Variants in DPYSL5 observed in about 807,000 individuals in gnomAD.
DPYSL5 encodes dihydropyrimidinase like 5.
A neutral mutation model predicts 58.4 loss-of-function variants in DPYSL5; 9 were observed. The ratio of observed to expected loss-of-function variants is 0.15; its 90% CI spans 0.09 to 0.27. The LOEUF is 0.27. Ranked by LOEUF, DPYSL5 falls within the 10% of genes least tolerant of loss-of-function variation. The pLI is 1.00. For synonymous variants in DPYSL5, 293 were observed against 301.9 expected (o/e 0.97, Z 0.31); for missense variants, 499 against 770.6 (o/e 0.65, Z 4.17).
Position 26,904,538 on chromosome 2 carries a change from C to A in DPYSL5, c.261+5778C>A, listed in dbSNP as rs956594725. 8.4e-4 allele frequency among the ~76,000 whole-genome samples: 128 copies of A among 152,234 alleles called. 1 individual carries two copies. The highest frequency in any genetic ancestry group is 3.0e-3 in the African/African-American group (123 of 41,518). On this transcript the variant is annotated intron_variant, in intron 2 of 12. Coordinates refer to ENST00000288699, the MANE Select transcript of DPYSL5 (RefSeq NM_020134.4). ...TCTCAAGTTTTCTTATCTCTCCATC[C>A]CTGCGAGAAGTTGGGTGACACCTTA...
rs1284360541 is a variant in DPYSL5, at chr2:26,915,281, A to G, written c.262-9606A>G. ...TCCACCCAAGCCAGGCCTACTTACT[A>G]AAGACCAGGGGACTCCTCAGGGACA... On this transcript the variant is annotated intron_variant, in intron 2 of 12. Coordinates refer to ENST00000288699, the MANE Select transcript of DPYSL5 (RefSeq NM_020134.4). Among the ~76,000 whole-genome samples, 3 of 152,268 alleles carry G rather than the reference A, an allele frequency of 2.0e-5. No homozygotes were observed. In the East Asian group the frequency reaches 5.8e-4, roughly 29 times the overall value.
chr2:26,933,272 C>G lies in DPYSL5; in HGVS notation c.729C>G (p.Ile243Met). The change falls in exon 7 of 13, where the codon ATC becomes ATG. Residue 243 changes from isoleucine (I) to methionine (M), a missense_variant. Ile to Met is a conservative substitution (Grantham distance 10, BLOSUM62 1). Around this residue, in one of 3 missense-constraint regions of DPYSL5, gnomAD observed 404 missense variants for 647.6 expected, o/e 0.62. Transcript: ENST00000288699. This position sits in a 1 kb window ranked among gnomAD's most constrained non-coding sequence, Gnocchi z 4.2. ...CTTGTGTTTAGACTCACTGTCCAAT[C>G]TACCTGGTCAACGTGTCCAGTATCT... ...ITIANRTHCP[I>M]YLVNVSSISA... 6.2e-7 allele frequency: 1 copy of G among 1,614,202 alleles called. No individual in the cohort carries two copies. Among genetic ancestry groups the G allele is most frequent in the South Asian group, 1.1e-5 (1 of 91,086 alleles).
chr2:26,922,069 G>A (rs982332991), intron 2 of DPYSL5, among the ~76,000 whole-genome samples: 2 of 152,102 alleles, frequency 1.3e-5, no homozygotes, highest in Admixed American at 1.3e-4. Context: ...ATAGGTCTGG[G>A]GATTGTGTCT....
At chr2:26,887,671 G>A (rs1663754392) in intron 1 of DPYSL5, among the ~76,000 whole-genome samples, 1 of 150,358 alleles carries the variant, frequency 6.7e-6, no homozygotes, top group Non-Finnish European at 1.5e-5. Flanking sequence ...GGGCATGGAA[G>A]GAAGGATTTT....
chr2:26,932,810 G>C (rs527380985), intron 6 of DPYSL5, among the ~76,000 whole-genome samples: 1 of 152,220 alleles, frequency 6.6e-6, no homozygotes, highest in East Asian at 1.9e-4. Context: ...TTCATCTCCA[G>C]GGTGCATTCT....
intron 1 of DPYSL5, among the ~76,000 whole-genome samples, chr2:26,850,324 C>T (rs1424118474): frequency 1.3e-5 from 2 of 152,076 alleles, no homozygotes; most frequent in East Asian, 1.9e-4. Flanking sequence ...GCAGATGAAC[C>T]GAATGGAAGC....
chr2:26,899,494 C>G (rs543558930), intron 2 of DPYSL5, among the ~76,000 whole-genome samples: 1 of 152,210 alleles, frequency 6.6e-6, no homozygotes. Context: ...GGCCTCTCCC[C>G]GGACATCAGA....
chr2:26,850,806 G>A (rs1011922269), intron 1 of DPYSL5, among the ~76,000 whole-genome samples: 2 of 152,204 alleles, frequency 1.3e-5, no homozygotes, highest in Non-Finnish European at 2.9e-5. Context: ...TCTGGCCATA[G>A]GGAGTCAGCA....
chr2:26,908,302 C>G (rs933053822), intron 2 of DPYSL5, among the ~76,000 whole-genome samples: 3 of 152,182 alleles, frequency 2.0e-5, no homozygotes, highest in Non-Finnish European at 2.9e-5. Flanking sequence ...AGATTTCAAA[C>G]AGAGTCTGAT....
intron 1 of DPYSL5, among the ~76,000 whole-genome samples, chr2:26,874,782 C>T (rs1447872716): frequency 6.6e-6 from 1 of 152,130 alleles, no homozygotes; most frequent in Non-Finnish European, 1.5e-5. Context: ...TTGATTCCAC[C>T]TTTGTTCTTT....
In DPYSL5 at chr2:26,849,809, G is replaced by T. The variant is rs1190046742; in HGVS notation, c.-5+1555G>T. Among the ~76,000 whole-genome samples, 3 of 152,228 alleles carry T rather than the reference G, an allele frequency of 2.0e-5. No individual in the cohort carries two copies. The highest frequency in any genetic ancestry group is 7.2e-5 in the African/African-American group (3 of 41,466). On this transcript the variant is annotated intron_variant, in intron 1 of 12. Transcript: ENST00000288699. The surrounding 1 kb of genome is among the most constrained non-coding windows in gnomAD (Gnocchi z 6.2). ...TGGGGTTTTATGGGGGCCTGGCCAC[G>T]CCGGGAATCCCGTGTGGGAGGCGCT...
intron 6 of DPYSL5, among the ~76,000 whole-genome samples, chr2:26,932,119 G>A (rs1221154202): frequency 1.7e-5 from 2 of 119,342 alleles, no homozygotes; most frequent in Non-Finnish European, 3.6e-5. Flanking sequence ...AAAGAAAAAA[G>A]AAAGAGAAAG....
chr2:26,889,427 GC>G (rs1663813422), intron 1 of DPYSL5, among the ~76,000 whole-genome samples: 1 of 151,956 alleles, frequency 6.6e-6, no homozygotes, highest in Non-Finnish European at 1.5e-5. Context: ...CAGCCACCAC[GC>G]CCGGCTAATT....
At chr2:26,936,248 C>T (rs2148170532) in intron 8 of DPYSL5, among the ~76,000 whole-genome samples, 1 of 152,328 alleles carries the variant, frequency 6.6e-6, no homozygotes, top group East Asian at 1.9e-4. Flanking sequence ...GGATTCGCCT[C>T]TTCTAAGATG....
intron 8 of DPYSL5, among the ~76,000 whole-genome samples, chr2:26,937,287 A>G (rs1294023046): frequency 6.6e-6 from 1 of 152,084 alleles, no homozygotes; most frequent in East Asian, 1.9e-4. Context: ...GTAGAAATGT[A>G]CTTTTTGTGT....
chr2:26,915,287 C>G (rs1293361532), intron 2 of DPYSL5, among the ~76,000 whole-genome samples: 1 of 152,188 alleles, frequency 6.6e-6, no homozygotes, highest in Non-Finnish European at 1.5e-5. Context: ...TACTAAAGAC[C>G]AGGGGACTCC....
At chr2:26,894,726 C>T (rs1009956301) in intron 1 of DPYSL5, among the ~76,000 whole-genome samples, 6 of 152,130 alleles carry the variant, frequency 3.9e-5, no homozygotes, top group African/African-American at 7.2e-5. Context: ...CTCCTTGGGC[C>T]GTTTCTAGGC....
At chr2:26,861,872 T>C (rs1666026892) in intron 1 of DPYSL5, among the ~76,000 whole-genome samples, 1 of 152,202 alleles carries the variant, frequency 6.6e-6, no homozygotes, top group South Asian at 2.1e-4. Flanking sequence ...CTTTCCCTTA[T>C]TATGTTATAT....
intron 5 of DPYSL5, among the ~76,000 whole-genome samples, chr2:26,931,199 G>GTATATATATATATATATATATA (rs1287075956): frequency 2.6e-4 from 14 of 52,868 alleles, no homozygotes; most frequent in African/African-American, 4.8e-4. Flanking sequence ...GTGTGTGTGT[G>GTATATATATATATATATATATA]TGTGTATATA....
Sources: allele counts gnomAD v4.1 joint callset (sites outside exome capture counted in the v4.1 genomes callset), GRCh38; gene constraint gnomAD v4.1.1; regional missense constraint gnomAD v4.1.1; non-coding constraint Gnocchi (gnomAD v3.1); transcripts MANE v1.5; gene names NCBI Gene and HGNC (gene_info 2026-07-23, HGNC 2026-07-21).